TMEM222: variants seen among roughly 807,000 people sequenced by gnomAD.
TMEM222 encodes the protein transmembrane protein 222, also known as chromosome 1 open reading frame 160.
In TMEM222, 18 loss-of-function variants were observed where a neutral mutation model predicts 25.1. The ratio of observed to expected loss-of-function variants is 0.72; its 90% CI spans 0.50 to 1.06. The LOEUF is 1.06. Ranked by LOEUF, TMEM222 falls within the 50% of genes least tolerant of loss-of-function variation. The probability of loss-of-function intolerance (pLI) is 0.00; values close to 1 mark genes in which losing one functional copy is unlikely to be tolerated. For missense variants in TMEM222, 296 were observed against 293.7 expected (o/e 1.01, Z -0.06); for synonymous variants, 131 against 117.9 (o/e 1.11, Z -0.72).
chr1:27,324,620 G>A (rs995149997), intron 1 of TMEM222, among the ~76,000 whole-genome samples: 2 of 152,202 alleles, frequency 1.3e-5, no homozygotes, highest in African/African-American at 4.8e-5. Context: ...TTCTGTGTTA[G>A]TCCATTCTTG....
rs748634322 is a variant in TMEM222 at position 27,322,297 on chromosome 1, A to G, written c.100A>G (p.Met34Val). ...GGCGCCGACGGCGGCCGAGACGGAC[A>G]TGAAGCAATATCAAGGCTCCGGCGG... is the stretch of plus-strand genomic sequence containing the variant. ...VEAPTAAETD[M>V]KQYQGSGGVA... The change falls in exon 1 of 6, where the codon ATG becomes GTG. Residue 34 changes from methionine to valine, a missense_variant. Met to Val is a conservative substitution (Grantham distance 21). Transcript: ENST00000374076. The G allele has an allele frequency of 1.6e-5, 25 of 1,563,648 alleles. No homozygotes were observed. In the Middle Eastern group the frequency reaches 5.0e-4, roughly 32 times the overall value.
At chr1:27,331,975 C>T in intron 2 of TMEM222, 95 bp from the exon 3 acceptor site, 1 of 1,357,788 alleles carries the variant, frequency 7.4e-7, no homozygotes, top group African/African-American at 1.4e-5. Context: ...CTGACATACC[C>T]TCTTCTAAGT....
At chr1:27,325,128 CT>C in intron 1 of TMEM222, 1 of 336,644 alleles carries the variant, frequency 3.0e-6, no homozygotes, top group Non-Finnish European at 5.8e-6. Flanking sequence ...TGTCACCTGT[CT>C]TTGGAGGAGA....
At chr1:27,322,486 C>A (rs1002947996) in intron 1 of TMEM222, 95 bp downstream of exon 1, 3 of 1,231,670 alleles carry the variant, frequency 2.4e-6, no homozygotes, top group Non-Finnish European at 3.2e-6. Flanking sequence ...CGCAGCAAGC[C>A]TTTTCCTCGG....
intron 2 of TMEM222, 82 bp downstream of exon 2, chr1:27,330,886 C>A: frequency 6.3e-7 from 1 of 1,596,318 alleles, no homozygotes; most frequent in Non-Finnish European, 8.6e-7. Context: ...CAGGCTTCGT[C>A]TCCCCAGACC....
intron 3 of TMEM222, chr1:27,333,680 C>G (rs777640766): frequency 4.1e-6 from 2 of 482,972 alleles, no homozygotes; most frequent in African/African-American, 3.9e-5. Flanking sequence ...ATACCATCAC[C>G]TTGAGGGTTA....
At chr1:27,322,880 G>A (rs921436684) in intron 1 of TMEM222, among the ~76,000 whole-genome samples, 2 of 151,930 alleles carry the variant, frequency 1.3e-5, no homozygotes, top group Admixed American at 6.6e-5. Flanking sequence ...CCAACCCTTT[G>A]TCTCACGTGC....
In TMEM222 at chr1:27,330,715, C is replaced by T. The variant is rs1269523431; in HGVS notation, c.195-5C>T. 6.2e-7 allele frequency: 1 copy of T among 1,613,982 alleles called. No individual in the cohort carries two copies. Among genetic ancestry groups the T allele is most frequent in the Non-Finnish European group, 8.5e-7 (1 of 1,179,924 alleles). On this transcript the variant is annotated splice_polypyrimidine_tract_variant and splice_region_variant and intron_variant, in intron 1 of 5. Transcript: ENST00000374076. The stretch of plus-strand genomic sequence containing the variant: ...TCTGTCCCTTCCCCGTCCTTTTCCT[C>T]ACAGGTGGTTTTTCCCCATCATCGG...
chr1:27,335,116 G>C (rs989650905), intron 5 of TMEM222: 12 of 547,912 alleles, frequency 2.2e-5, no homozygotes, highest in Non-Finnish European at 3.9e-5. Context: ...TGGGGAGCAT[G>C]TTTCCTGTTC....
intron 1 of TMEM222, chr1:27,325,506 A>C (rs919419676): frequency 6.8e-7 from 1 of 1,466,232 alleles, no homozygotes; most frequent in African/African-American, 1.4e-5. Context: ...GACCACGTTC[A>C]ACTCCATCAT....
Position 27,322,193 on chromosome 1 carries a change from G to A in TMEM222, c.-5G>A. ...CGGGGCCAGTCGGAGCGGGGCGCGC[G>A]CCGCATGGCGGAAGCGGAAGGGAGT... On this transcript the variant is annotated 5_prime_UTR_variant, in exon 1 of 6. Transcript: ENST00000374076. 7.2e-7 allele frequency: 1 copy of A among 1,384,034 alleles called. No homozygotes were observed. The highest frequency in any genetic ancestry group is 2.8e-5 in the East Asian group (1 of 35,680). The allele number at this position is 1,384,034 out of a possible 1,614,324, so 85.7% of individuals were successfully genotyped here. A position where few individuals can be genotyped will look rare whatever the true frequency, so the allele number is the denominator to read the frequency against.
rs943800640 is a variant in TMEM222, at chr1:27,334,365, C to T, written c.539+84C>T. On this transcript the variant is annotated intron_variant, in intron 5 of 5. Transcript: ENST00000374076. ...TCCTAGAAAGACCATTCCTAGCGTC[C>T]TTCAGTCAGCCAGGACAGTTGGAAC... 12 of 1,583,780 alleles carry T rather than the reference C, an allele frequency of 7.6e-6. No homozygotes were observed. The African/African-American group carries it at 9.4e-5, about 12-fold the overall frequency.
chr1:27,323,075 A>G (rs1319997039), intron 1 of TMEM222, among the ~76,000 whole-genome samples: 2 of 152,172 alleles, frequency 1.3e-5, no homozygotes, highest in African/African-American at 2.4e-5. Flanking sequence ...CAGCTGATAA[A>G]CGTAACCCCT....
intron 3 of TMEM222, chr1:27,332,394 T>A: frequency 2.8e-6 from 2 of 717,836 alleles, no homozygotes; most frequent in Admixed American, 2.0e-5. Context: ...TTGGTCAAGG[T>A]CACACAGGAA....
chr1:27,335,358 T>C, intron 5 of TMEM222, 21 bp from the exon 6 acceptor site: 1 of 1,613,614 alleles, frequency 6.2e-7, no homozygotes, highest in South Asian at 1.1e-5. Flanking sequence ...CCACCTATGC[T>C]CGCTCCTTTC....
Position 27,322,270 on chromosome 1 carries a change from G to C in TMEM222, c.73G>C (p.Glu25Gln). Residue 25 changes from glutamate (E) to glutamine (Q), a missense_variant, in exon 1 of 6, where the codon GAG (glutamate) becomes CAG (glutamine). Glu to Gln is a conservative substitution (Grantham distance 29). Transcript: ENST00000374076. ...PPPPPRMAEVEAPTAAETDMK... is the reference protein window; with the variant it reads ...PPPPPRMAEVQAPTAAETDMK... ...ACCCCCGCCCAGGATGGCGGAAGTG[G>C]AGGCGCCGACGGCGGCCGAGACGGA... 6.5e-7 allele frequency: 1 copy of C among 1,546,320 alleles called. No homozygotes were observed. Among genetic ancestry groups the C allele is most frequent in the African/African-American group, 1.4e-5 (1 of 72,242 alleles).
chr1:27,322,210 GA>G lies in TMEM222; in HGVS notation c.15del (p.Ser7ValfsTer28). The G allele has an allele frequency of 7.1e-7, 1 of 1,410,800 alleles. No homozygotes were observed. Among genetic ancestry groups the G allele is most frequent in the Admixed American group, 3.1e-5 (1 of 32,242 alleles). The allele number at this position is 1,410,800 out of a possible 1,614,324, so 87.4% of individuals were successfully genotyped here. On this transcript the variant is annotated frameshift_variant, in exon 1 of 6. Coordinates refer to ENST00000374076, the MANE Select transcript of TMEM222 (RefSeq NM_032125.3). LOFTEE classifies it high-confidence loss of function. ...GGGCGCGCGCCGCATGGCGGAAGCGGAAGGGAGTTCTCTGCTCTTGTTGCCG... is the reference window on the plus strand; with the variant it reads ...GGGCGCGCGCCGCATGGCGGAAGCGGAGGGAGTTCTCTGCTCTTGTTGCCG... MAEA[E>X]GSSLLLLPPP...
intron 5 of TMEM222, 144 bp from the exon 6 acceptor site, chr1:27,335,235 A>T: frequency 1.3e-6 from 1 of 759,524 alleles, no homozygotes; most frequent in South Asian, 1.6e-5. Flanking sequence ...TGCTTCCTTG[A>T]TTGGCCAAGT....
intron 3 of TMEM222, chr1:27,333,146 G>A (rs41291078): frequency 0.034 from 12,209 of 360,678 alleles, 304 homozygotes; most frequent in Middle Eastern, 0.05. Flanking sequence ...AACTCCCCGC[G>A]TGATGTGGCC....
Sources: gnomAD v4.1 joint callset for allele counts (sites outside exome capture counted in the v4.1 genomes callset) on GRCh38, gnomAD v4.1.1 for gene constraint, MANE v1.5 for transcripts, NCBI Gene and HGNC (gene_info 2026-07-23, HGNC 2026-07-21) for gene names.